SCHIP1: variants seen among roughly 807,000 people sequenced by gnomAD.
The protein encoded by SCHIP1 is schwannomin interacting protein 1, also known as schwannomin-interacting protein 1.
SCHIP1 carries 8 observed loss-of-function variants against 29.7 expected under a neutral mutation model. The ratio of observed to expected loss-of-function variants is 0.27; its 90% CI spans 0.16 to 0.49. SCHIP1 has a LOEUF of 0.49. SCHIP1 is among the 20% of genes least tolerant of loss of function. The pLI is 0.99. For synonymous variants in SCHIP1, 76 were observed against 94.9 expected (o/e 0.80, Z 1.16); for missense variants, 193 against 294.6 (o/e 0.66, Z 2.52).
At chr3:159,601,679 G>C in the SCHIP1 span, among the ~76,000 whole-genome samples, 1 of 152,216 alleles carries the variant, frequency 6.6e-6, no homozygotes. Flanking sequence ...GCCCCAGACA[G>C]GGAGTTCTTG....
the SCHIP1 span, among the ~76,000 whole-genome samples, chr3:159,731,252 T>A: frequency 1.3e-5 from 2 of 152,250 alleles, no homozygotes; most frequent in Non-Finnish European, 2.9e-5. Flanking sequence ...TAGGCTCTAC[T>A]CTCTTCTTAG....
the SCHIP1 span, among the ~76,000 whole-genome samples, chr3:159,778,285 G>T: frequency 6.6e-6 from 1 of 152,082 alleles, no homozygotes; most frequent in Non-Finnish European, 1.5e-5. Context: ...GAGCCACCGC[G>T]CCCGGCTAGG....
chr3:159,347,212 A>G, the SCHIP1 span, among the ~76,000 whole-genome samples: 1 of 152,230 alleles, frequency 6.6e-6, no homozygotes, highest in African/African-American at 2.4e-5. Flanking sequence ...TGACCACAGT[A>G]GGAGAAAACA....
chr3:159,634,801 TC>T, the SCHIP1 span, among the ~76,000 whole-genome samples: 2 of 152,224 alleles, frequency 1.3e-5, no homozygotes. Flanking sequence ...TCAGAAGTTT[TC>T]CCCCCCTTTT....
intron 2 of SCHIP1, among the ~76,000 whole-genome samples, chr3:159,873,525 A>C (rs1000533420): frequency 6.6e-6 from 1 of 152,242 alleles, no homozygotes; most frequent in African/African-American, 2.4e-5. Flanking sequence ...CTTAAGAGTG[A>C]CAAGTTGTTA....
the SCHIP1 span, among the ~76,000 whole-genome samples, chr3:159,804,490 G>C: frequency 6.6e-6 from 1 of 152,204 alleles, no homozygotes; most frequent in African/African-American, 2.4e-5. Context: ...AGTATACAAT[G>C]TCTTCCTCAG....
At chr3:159,541,815 TTC>T in the SCHIP1 span, among the ~76,000 whole-genome samples, 1 of 152,112 alleles carries the variant, frequency 6.6e-6, no homozygotes, top group East Asian at 1.9e-4. Flanking sequence ...AGGGAATATG[TTC>T]TCTTTTACCT....
chr3:159,424,230 TG>T, the SCHIP1 span, among the ~76,000 whole-genome samples: 2 of 151,894 alleles, frequency 1.3e-5, no homozygotes, highest in African/African-American at 4.8e-5. Flanking sequence ...AGGCTTCAGA[TG>T]ATCAAACTAC....
chr3:159,751,587 C>T, the SCHIP1 span, among the ~76,000 whole-genome samples: 1 of 150,342 alleles, frequency 6.7e-6, no homozygotes, highest in Non-Finnish European at 1.5e-5. Flanking sequence ...CCCTGTCACA[C>T]AGGCTGGAGT....
the SCHIP1 span, among the ~76,000 whole-genome samples, chr3:159,626,176 CTATCTAGA>C: frequency 2.3e-3 from 166 of 71,334 alleles, 9 homozygotes; most frequent in East Asian, 0.013. Flanking sequence ...ATATATCTAT[CTATCTAGA>C]TAGATAGATA....
chr3:159,771,587 CT>C, the SCHIP1 span, among the ~76,000 whole-genome samples: 3 of 151,898 alleles, frequency 2.0e-5, no homozygotes, highest in African/African-American at 7.2e-5. Flanking sequence ...TCTTTGCCTA[CT>C]TTCCTATTTA....
chr3:159,543,123 A>ATC, the SCHIP1 span, among the ~76,000 whole-genome samples: 5 of 144,218 alleles, frequency 3.5e-5, no homozygotes, highest in African/African-American at 1.4e-4. Context: ...GTGTGTATAT[A>ATC]TATATATATA....
chr3:159,343,304 G>A, the SCHIP1 span, among the ~76,000 whole-genome samples: 2 of 152,168 alleles, frequency 1.3e-5, no homozygotes, highest in Non-Finnish European at 2.9e-5. Flanking sequence ...AGTATTAAAT[G>A]TTGTTCTTGA....
chr3:159,521,694 A>G, the SCHIP1 span, among the ~76,000 whole-genome samples: 1 of 152,264 alleles, frequency 6.6e-6, no homozygotes, highest in Admixed American at 6.5e-5. Flanking sequence ...ACAAATTTAT[A>G]TATAGTGAAA....
the SCHIP1 span, among the ~76,000 whole-genome samples, chr3:159,426,797 C>G: frequency 6.6e-6 from 1 of 152,156 alleles, no homozygotes; most frequent in Non-Finnish European, 1.5e-5. Context: ...AAAATACTGG[C>G]AAACTGAATC....
At chr3:159,718,031 C>T in the SCHIP1 span, among the ~76,000 whole-genome samples, 15 of 152,242 alleles carry the variant, frequency 9.9e-5, 1 homozygote, top group East Asian at 3.9e-4. Context: ...GCTTATACAC[C>T]GTGATTAAGT....
the SCHIP1 span, among the ~76,000 whole-genome samples, chr3:159,322,789 T>C: frequency 6.6e-6 from 1 of 152,226 alleles, no homozygotes; most frequent in Non-Finnish European, 1.5e-5. Context: ...GCGGGGTGTC[T>C]GGCCTTTCCT....
At chr3:159,750,263 G>GTATATATATATATATA in the SCHIP1 span, among the ~76,000 whole-genome samples, 4 of 25,096 alleles carry the variant, frequency 1.6e-4, no homozygotes, top group Admixed American at 1.3e-3. Flanking sequence ...ATGTGTGTGT[G>GTATATATATATATATA]TATATATATA....
Position 159,863,762 on chromosome 3 carries a change from TATA to T in SCHIP1, c.31-2399_31-2397del, listed in dbSNP as rs759279078. On this transcript the variant is annotated intron_variant, in intron 1 of 6. Transcript: ENST00000445224. ...AAGGAGAGGGGGAAAGAGAGTGTATTATAAAACAGTCCTCTTTAAACTGTTAGT... is the reference window on the plus strand; with the variant it reads ...AAGGAGAGGGGGAAAGAGAGTGTATTAAACAGTCCTCTTTAAACTGTTAGT... Among the ~76,000 whole-genome samples, 25 of 152,300 alleles carry T rather than the reference TATA, an allele frequency of 1.6e-4. 1 individual carries two copies. Among genetic ancestry groups the T allele is most frequent in the African/African-American group, 4.8e-4 (20 of 41,566 alleles).
Sources: allele counts gnomAD v4.1 joint callset (sites outside exome capture counted in the v4.1 genomes callset), GRCh38; gene constraint gnomAD v4.1.1; transcripts MANE v1.5; gene names NCBI Gene and HGNC (gene_info 2026-07-23, HGNC 2026-07-21).